AUTS2: variants seen among roughly 807,000 people sequenced by gnomAD.
The protein encoded by AUTS2 is autism susceptibility gene 2 protein.
AUTS2 carries 17 observed loss-of-function variants against 112.4 expected under a neutral mutation model. The ratio of observed to expected loss-of-function variants is 0.15; its 90% CI spans 0.10 to 0.23. The LOEUF is 0.23. Among genes scored for constraint, AUTS2 ranks in the 10% least tolerant of loss-of-function variants. The pLI is 1.00. For missense variants in AUTS2, 1,510 were observed against 1,701.6 expected, an observed-to-expected ratio of 0.89 and a Z score of 1.98; for synonymous variants, 751 against 702.7, an observed-to-expected ratio of 1.07 and a Z score of -1.09.
At chr7:69,640,884 C>G (rs535064476) in intron 1 of AUTS2, among the ~76,000 whole-genome samples, 3 of 152,292 alleles carry the variant, frequency 2.0e-5, no homozygotes, top group Non-Finnish European at 4.4e-5. Flanking sequence ...AGTGCTGTTC[C>G]TAGCAGCTCT....
chr7:69,765,271 C>T (rs1788369729), intron 1 of AUTS2, among the ~76,000 whole-genome samples: 1 of 152,130 alleles, frequency 6.6e-6, no homozygotes, highest in Non-Finnish European at 1.5e-5. Flanking sequence ...GTCAAGAGCC[C>T]TTATCACACC....
chr7:70,584,839 T>G (rs1023561105), intron 5 of AUTS2, among the ~76,000 whole-genome samples: 1 of 152,250 alleles, frequency 6.6e-6, no homozygotes, highest in Non-Finnish European at 1.5e-5. Context: ...TCAGTGTTTC[T>G]CTGGCTCTGT....
intron 4 of AUTS2, among the ~76,000 whole-genome samples, chr7:70,328,496 G>A (rs749360675): frequency 6.6e-6 from 1 of 152,102 alleles, no homozygotes; most frequent in Non-Finnish European, 1.5e-5. Flanking sequence ...TGCTGAGAGT[G>A]CAGGTGTAAG....
chr7:70,508,210 C>G (rs745596422), intron 5 of AUTS2, among the ~76,000 whole-genome samples: 2 of 151,872 alleles, frequency 1.3e-5, no homozygotes, highest in Non-Finnish European at 2.9e-5. Flanking sequence ...TTTCTGGACT[C>G]CCAGTGGGAC....
At chr7:70,165,854 C>G (rs771202483) in intron 4 of AUTS2, among the ~76,000 whole-genome samples, 20 of 152,158 alleles carry the variant, frequency 1.3e-4, no homozygotes, top group Non-Finnish European at 2.9e-4. Context: ...GACTCTGTGT[C>G]TCCACCCAAA....
chr7:70,696,863 T>C (rs966890251), intron 5 of AUTS2, among the ~76,000 whole-genome samples: 2 of 151,564 alleles, frequency 1.3e-5, no homozygotes, highest in Non-Finnish European at 2.9e-5. Flanking sequence ...AACACTTTAA[T>C]AAACAGGCTT....
intron 5 of AUTS2, among the ~76,000 whole-genome samples, chr7:70,583,581 C>T (rs894971835): frequency 6.6e-5 from 10 of 152,202 alleles, no homozygotes; most frequent in Non-Finnish European, 8.8e-5. Context: ...ACAGAAACTT[C>T]CCAGGTAATG....
intron 4 of AUTS2, among the ~76,000 whole-genome samples, chr7:70,177,918 G>GTTTTTT (rs765470016): frequency 7.4e-6 from 1 of 134,886 alleles, no homozygotes; most frequent in Non-Finnish European, 1.6e-5. Context: ...ACATAATTCT[G>GTTTTTT]TTTTTTTTTT....
At chr7:69,968,902 CTCTT>C (rs1435895571) in intron 2 of AUTS2, among the ~76,000 whole-genome samples, 4 of 151,728 alleles carry the variant, frequency 2.6e-5, no homozygotes, top group African/African-American at 7.3e-5. Context: ...AGCAAAATTA[CTCTT>C]TCTTTACCCA....
intron 4 of AUTS2, among the ~76,000 whole-genome samples, chr7:70,333,962 TA>T (rs946426308): frequency 4.6e-5 from 7 of 152,174 alleles, no homozygotes; most frequent in Admixed American, 1.3e-4. Context: ...GTAATAATAA[TA>T]AAAAAAGAAA....
At chr7:69,890,487 A>G (rs972964942) in intron 1 of AUTS2, among the ~76,000 whole-genome samples, 20 of 152,272 alleles carry the variant, frequency 1.3e-4, no homozygotes, top group African/African-American at 4.3e-4. Context: ...CATTATATAC[A>G]TTAAGTATGT....
At chr7:70,209,457 A>G (rs1810743527) in intron 4 of AUTS2, among the ~76,000 whole-genome samples, 1 of 152,202 alleles carries the variant, frequency 6.6e-6, no homozygotes, top group Non-Finnish European at 1.5e-5. Flanking sequence ...GCGTGGAGGT[A>G]TAAATGTGAA....
chr7:70,312,285 A>G (rs902417315), intron 4 of AUTS2, among the ~76,000 whole-genome samples: 1 of 151,748 alleles, frequency 6.6e-6, no homozygotes, highest in Admixed American at 6.6e-5. Flanking sequence ...CATTTAGCTT[A>G]TTTTTTTCTT....
intron 4 of AUTS2, among the ~76,000 whole-genome samples, chr7:70,299,849 C>T (rs1325930320): frequency 5.4e-5 from 8 of 147,994 alleles, no homozygotes; most frequent in African/African-American, 1.8e-4. Flanking sequence ...AAAAATCTTT[C>T]TGTTTGATAA....
chr7:70,404,585 A>G (rs1217364601), intron 4 of AUTS2, among the ~76,000 whole-genome samples: 2 of 152,190 alleles, frequency 1.3e-5, no homozygotes, highest in Non-Finnish European at 2.9e-5. Flanking sequence ...CATAGAGAGC[A>G]GCGGTTATTT....
At chr7:69,961,571 T>C (rs1319771483) in intron 2 of AUTS2, among the ~76,000 whole-genome samples, 1 of 152,156 alleles carries the variant, frequency 6.6e-6, no homozygotes, top group African/African-American at 2.4e-5. Flanking sequence ...GCATCTGTTG[T>C]CTTCTCTTTT....
intron 2 of AUTS2, among the ~76,000 whole-genome samples, chr7:70,058,473 A>G (rs910994457): frequency 9.9e-5 from 15 of 152,174 alleles, no homozygotes; most frequent in African/African-American, 3.4e-4. Context: ...CAATTCCAAG[A>G]GGCATTTGTA....
At chr7:70,340,163 A>AACACACACACACACACACACACACAC (rs71077652) in intron 4 of AUTS2, among the ~76,000 whole-genome samples, 15 of 144,764 alleles carry the variant, frequency 1.0e-4, no homozygotes, top group Middle Eastern at 3.5e-3. Flanking sequence ...TATGGAGAGA[A>AACACACACACACACACACACACACAC]ACACACACAC....
chr7:70,262,221 G>A (rs1002111104), intron 4 of AUTS2, among the ~76,000 whole-genome samples: 2 of 151,672 alleles, frequency 1.3e-5, no homozygotes, highest in African/African-American at 4.8e-5. Context: ...ATGGAGTCTC[G>A]CTCTGTCACC....
Sources: gnomAD v4.1 joint callset for allele counts (sites outside exome capture counted in the v4.1 genomes callset) on GRCh38, gnomAD v4.1.1 for gene constraint, MANE v1.5 for transcripts, NCBI Gene and HGNC (gene_info 2026-07-23, HGNC 2026-07-21) for gene names.